Variants in MTHFD1L observed in about 807,000 individuals in gnomAD.
MTHFD1L encodes the protein methylenetetrahydrofolate dehydrogenase (NADP+ dependent) 1 like.
A neutral mutation model predicts 119.5 loss-of-function variants in MTHFD1L; 81 were observed. That is an observed-to-expected ratio of 0.68 (90% CI 0.57 to 0.82). MTHFD1L has a LOEUF of 0.82. Among genes scored for constraint, MTHFD1L ranks in the 40% least tolerant of loss-of-function variants. The pLI, the probability that MTHFD1L is intolerant of heterozygous loss-of-function variation, is 0.00. For missense variants in MTHFD1L, 1,125 were observed against 1,253.4 expected (o/e 0.90, Z 1.55); for synonymous variants, 430 against 475.2 (o/e 0.90, Z 1.24).
At chr6:151,032,621 G>A (rs1473592016) in intron 24 of MTHFD1L, among the ~76,000 whole-genome samples, 1 of 152,170 alleles carries the variant, frequency 6.6e-6, no homozygotes, top group Non-Finnish European at 1.5e-5. Flanking sequence ...AACCAAAAAT[G>A]AGCTTGGGAT....
Position 151,003,503 on chromosome 6 carries a change from G to T in MTHFD1L, c.2126-6316G>T, listed in dbSNP as rs538118658. Among the ~76,000 whole-genome samples, 15 of 151,912 alleles carry T rather than the reference G, an allele frequency of 9.9e-5. 1 individual carries two copies. The highest frequency in any genetic ancestry group is 9.8e-4 in the Admixed American group (15 of 15,272). ...GCCGAGATCGCACCATTGCATTCCA[G>T]CCTGGGCAAAAAGAGTGAAACTCCA... On this transcript the variant is annotated intron_variant, in intron 20 of 27. Transcript: ENST00000367321.
intron 1 of MTHFD1L, among the ~76,000 whole-genome samples, chr6:150,874,831 C>A (rs578212343): frequency 6.7e-6 from 1 of 149,106 alleles, no homozygotes; most frequent in East Asian, 2.0e-4. Context: ...GGCACAATCT[C>A]GGCTCACTGC....
intron 24 of MTHFD1L, among the ~76,000 whole-genome samples, chr6:151,023,187 C>T (rs1411961589): frequency 6.6e-6 from 1 of 151,980 alleles, no homozygotes; most frequent in Non-Finnish European, 1.5e-5. Flanking sequence ...GCTGGGATTA[C>T]AGGTGTGGGC....
intron 26 of MTHFD1L, among the ~76,000 whole-genome samples, chr6:151,062,585 T>C (rs984364866): frequency 4.6e-5 from 7 of 152,186 alleles, no homozygotes; most frequent in Admixed American, 6.5e-5. Context: ...AAGAAAGAGA[T>C]AGATGAAGAA....
At chr6:150,943,710 T>C (rs760763293) in intron 13 of MTHFD1L, among the ~76,000 whole-genome samples, 8 of 152,190 alleles carry the variant, frequency 5.3e-5, no homozygotes, top group Non-Finnish European at 8.8e-5. Flanking sequence ...AAGATTATTA[T>C]AGAAAAAGTT....
At position 150,944,564 on chromosome 6, in the gene MTHFD1L, A is replaced by T. The variant is rs1793639051; in HGVS notation, c.1519A>T (p.Ile507Phe). Reference protein sequence around the residue: ...NLLAAAIDTRILHENTQTDKA... With the variant: ...NLLAAAIDTRFLHENTQTDKA... ...GCTGGCTGCCGCCATCGACACGAGG[A>T]TTCTTCATGAAAACACGCAAACAGA... Residue 507 changes from isoleucine to phenylalanine, a missense_variant, in exon 14 of 28, where the codon ATT becomes TTT. By Grantham distance (21) the Ile-to-Phe change is conservative. This residue lies in a region of MTHFD1L where 1,058 missense variants were observed against 1,151.2 expected (regional missense o/e 0.92). Coordinates refer to ENST00000367321, the MANE Select transcript of MTHFD1L (RefSeq NM_015440.5). The T allele has an allele frequency of 6.2e-7, 1 of 1,613,880 alleles. No homozygotes were observed.
At chr6:151,076,126 T>G (rs951662325) in intron 26 of MTHFD1L, among the ~76,000 whole-genome samples, 8 of 152,144 alleles carry the variant, frequency 5.3e-5, no homozygotes, top group Admixed American at 3.9e-4. Context: ...ATCCCAACAC[T>G]TTGACAGGCA....
intron 20 of MTHFD1L, among the ~76,000 whole-genome samples, chr6:150,977,971 G>C (rs901028400): frequency 3.3e-4 from 49 of 150,082 alleles, no homozygotes; most frequent in African/African-American, 1.2e-3. Context: ...CGTGACCTCA[G>C]CTCACGGTGA....
chr6:150,971,424 C>G (rs558135343), intron 19 of MTHFD1L, among the ~76,000 whole-genome samples: 148 of 152,250 alleles, frequency 9.7e-4, no homozygotes, highest in Middle Eastern at 6.8e-3. Context: ...GTCTTGAACT[C>G]CTGACCTCAG....
chr6:150,943,483 AAAAAG>A (rs1194633156), intron 13 of MTHFD1L, among the ~76,000 whole-genome samples: 3 of 152,122 alleles, frequency 2.0e-5, no homozygotes, highest in South Asian at 2.1e-4. Flanking sequence ...AAAAAAGAAA[AAAAAG>A]AAAAGAAAGA....
At chr6:151,066,593 G>A (rs542315311) in intron 26 of MTHFD1L, among the ~76,000 whole-genome samples, 3 of 150,638 alleles carry the variant, frequency 2.0e-5, no homozygotes, top group South Asian at 2.1e-4. Context: ...GTGAAACCCC[G>A]TCTCTACTAA....
intron 26 of MTHFD1L, among the ~76,000 whole-genome samples, chr6:151,054,365 T>TG (rs1401246006): frequency 1.3e-5 from 2 of 152,182 alleles, no homozygotes; most frequent in African/African-American, 4.8e-5. Flanking sequence ...GACACCATGA[T>TG]GGGGGATCTT....
intron 21 of MTHFD1L, among the ~76,000 whole-genome samples, chr6:151,010,913 A>G (rs1782120122): frequency 6.6e-6 from 1 of 152,254 alleles, no homozygotes; most frequent in African/African-American, 2.4e-5. Flanking sequence ...CAGGTTTGCC[A>G]TCATGAAACG....
intron 26 of MTHFD1L, among the ~76,000 whole-genome samples, chr6:151,072,384 TAATTAGATG>T (rs1792041543): frequency 6.6e-6 from 1 of 152,190 alleles, no homozygotes; most frequent in African/African-American, 2.4e-5. Flanking sequence ...TGTTACACTT[TAATTAGATG>T]CAGTTGAATA....
At chr6:151,013,915 A>C in intron 22 of MTHFD1L, 95 bp downstream of exon 22, 1 of 1,111,456 alleles carries the variant, frequency 9.0e-7, no homozygotes, top group Non-Finnish European at 1.3e-6. Flanking sequence ...GTGGCCTCTT[A>C]GAAAAGTGCT....
At chr6:151,055,615 C>T (rs1157330726) in intron 26 of MTHFD1L, among the ~76,000 whole-genome samples, 1 of 151,918 alleles carries the variant, frequency 6.6e-6, no homozygotes, top group Non-Finnish European at 1.5e-5. Flanking sequence ...GCAACCTCCG[C>T]CTCCCAGGTT....
intron 19 of MTHFD1L, among the ~76,000 whole-genome samples, chr6:150,969,586 T>C (rs1036210382): frequency 2.0e-5 from 3 of 151,366 alleles, no homozygotes; most frequent in African/African-American, 7.3e-5. Flanking sequence ...GGGGGAATTC[T>C]TCAGACTACT....
At chr6:151,016,711 ATATT>A (rs967772581) in intron 24 of MTHFD1L, 27 of 306,024 alleles carry the variant, frequency 8.8e-5, no homozygotes, top group Middle Eastern at 1.2e-3. Context: ...CATACATAAT[ATATT>A]TATTTATTTT....
intron 5 of MTHFD1L, among the ~76,000 whole-genome samples, chr6:150,883,900 A>T (rs1261852890): frequency 6.6e-6 from 1 of 152,152 alleles, no homozygotes; most frequent in Non-Finnish European, 1.5e-5. Context: ...TAGACCCTGC[A>T]GGGGCTGGAT....
Sources: gnomAD v4.1 joint callset for allele counts (sites outside exome capture counted in the v4.1 genomes callset) on GRCh38, gnomAD v4.1.1 for gene constraint, gnomAD v4.1.1 regional missense constraint, MANE v1.5 for transcripts, NCBI Gene and HGNC (gene_info 2026-07-23, HGNC 2026-07-21) for gene names.